The following CNTN5 variants were observed in gnomAD, a reference collection of about 807,000 sequenced individuals.
CNTN5 encodes contactin-5.
CNTN5 carries 77 observed loss-of-function variants against 129.1 expected under a neutral mutation model. The observed-to-expected ratio is 0.60, with a 90% CI of 0.50 to 0.72. CNTN5 has a LOEUF of 0.72. CNTN5 is among the 30% of genes least tolerant of loss of function. CNTN5 has a pLI of 0.00. For synonymous variants in CNTN5, 509 were observed against 465.6 expected (o/e 1.09, Z -1.20); for missense variants, 1,478 against 1,328.8 (o/e 1.11, Z -1.75).
intron 13 of CNTN5, among the ~76,000 whole-genome samples, chr11:100,089,665 A>T (rs1054559092): frequency 6.6e-6 from 1 of 152,184 alleles, no homozygotes; most frequent in African/African-American, 2.4e-5. Flanking sequence ...TCATTGATAG[A>T]CTGGATAAAG....
chr11:100,050,537 A>C (rs963546362), intron 9 of CNTN5, among the ~76,000 whole-genome samples: 9 of 152,050 alleles, frequency 5.9e-5, no homozygotes, highest in Non-Finnish European at 1.0e-4. Flanking sequence ...ATGACGAGTT[A>C]ATGGGTGCAG....
intron 21 of CNTN5, among the ~76,000 whole-genome samples, chr11:100,314,898 T>C (rs1243633884): frequency 6.6e-6 from 1 of 152,180 alleles, no homozygotes; most frequent in East Asian, 1.9e-4. Context: ...TATGTTTCAT[T>C]TGAATCTCAT....
intron 2 of CNTN5, among the ~76,000 whole-genome samples, chr11:99,459,427 G>C (rs908150480): frequency 1.3e-5 from 2 of 151,904 alleles, no homozygotes; most frequent in African/African-American, 4.8e-5. Context: ...TAAGTAGTAA[G>C]ACTAATATGA....
intron 3 of CNTN5, among the ~76,000 whole-genome samples, chr11:99,717,214 G>T (rs150922841): frequency 1.3e-5 from 2 of 151,938 alleles, no homozygotes; most frequent in Admixed American, 1.3e-4. Flanking sequence ...TTTTAACCTT[G>T]CTATATCTGT....
At chr11:99,706,840 CT>C (rs11451959) in intron 3 of CNTN5, among the ~76,000 whole-genome samples, 4,912 of 139,462 alleles carry the variant, frequency 0.035, 246 homozygotes, top group African/African-American at 0.11. Flanking sequence ...TGTGTCTGGT[CT>C]TTTTTTTTTT....
intron 8 of CNTN5, among the ~76,000 whole-genome samples, chr11:99,964,015 C>T (rs185608192): frequency 2.3e-3 from 355 of 151,982 alleles, no homozygotes; most frequent in South Asian, 0.011. Context: ...TTTTGTATGC[C>T]GAGACTTTGC....
intron 1 of CNTN5, among the ~76,000 whole-genome samples, chr11:99,031,620 C>G (rs545567564): frequency 6.6e-6 from 1 of 151,150 alleles, no homozygotes; most frequent in South Asian, 2.1e-4. Flanking sequence ...AATATTCATA[C>G]CATGAGCTAT....
chr11:100,278,983 AC>A (rs771259655), intron 18 of CNTN5, among the ~76,000 whole-genome samples: 1 of 151,828 alleles, frequency 6.6e-6, no homozygotes, highest in Non-Finnish European at 1.5e-5. Flanking sequence ...TTCCTTCTAT[AC>A]CCAGTTTGTT....
chr11:99,625,347 T>TA (rs980472081), intron 3 of CNTN5, among the ~76,000 whole-genome samples: 6 of 152,054 alleles, frequency 3.9e-5, no homozygotes, highest in African/African-American at 1.4e-4. Context: ...TTCAGAGGGA[T>TA]AAAAAAACAC....
chr11:100,267,033 T>C (rs191411563), intron 17 of CNTN5, among the ~76,000 whole-genome samples: 1 of 152,192 alleles, frequency 6.6e-6, no homozygotes, highest in Admixed American at 6.6e-5. Flanking sequence ...GTAAATTATA[T>C]AGTATCTTAG....
At chr11:99,168,596 A>AAACAAAACAAAACAG (rs1273915681) in intron 1 of CNTN5, among the ~76,000 whole-genome samples, 1 of 151,952 alleles carries the variant, frequency 6.6e-6, no homozygotes, top group East Asian at 1.9e-4. Context: ...AAACAAAACA[A>AAACAAAACAAAACAG]AACAAAAGGA....
At chr11:99,884,622 T>C (rs1282246454) in intron 6 of CNTN5, among the ~76,000 whole-genome samples, 4 of 152,166 alleles carry the variant, frequency 2.6e-5, no homozygotes, top group Non-Finnish European at 5.9e-5. Context: ...TGAATAATAA[T>C]GAAATCCACA....
chr11:99,990,071 A>G (rs996229211), intron 8 of CNTN5, among the ~76,000 whole-genome samples: 5 of 152,054 alleles, frequency 3.3e-5, no homozygotes, highest in Middle Eastern at 3.4e-3. Context: ...GGTCTCTAAC[A>G]TATTTCTTAA....
chr11:99,406,884 A>G (rs903891248), intron 2 of CNTN5, among the ~76,000 whole-genome samples: 1 of 152,126 alleles, frequency 6.6e-6, no homozygotes, highest in Non-Finnish European at 1.5e-5. Flanking sequence ...ATATTCCCTT[A>G]TGGCCCAAGG....
intron 6 of CNTN5, among the ~76,000 whole-genome samples, chr11:99,851,017 A>AT (rs1163284315): frequency 3.5e-5 from 5 of 140,938 alleles, no homozygotes; most frequent in African/African-American, 8.0e-5. Context: ...TCACTGATTA[A>AT]TTTTTTTTTC....
intron 3 of CNTN5, among the ~76,000 whole-genome samples, chr11:99,640,519 C>G (rs1591405012): frequency 6.6e-6 from 1 of 152,176 alleles, no homozygotes; most frequent in African/African-American, 2.4e-5. Context: ...TGGGTCCCTT[C>G]CTCAACGCTT....
chr11:99,160,976 A>G (rs764524236), intron 1 of CNTN5, among the ~76,000 whole-genome samples: 36 of 152,212 alleles, frequency 2.4e-4, no homozygotes, highest in Non-Finnish European at 4.6e-4. Flanking sequence ...CAAGTTTACC[A>G]GGTACAAATC....
chr11:100,173,084 C>T (rs962269512), intron 13 of CNTN5, among the ~76,000 whole-genome samples: 1 of 152,016 alleles, frequency 6.6e-6, no homozygotes, highest in Non-Finnish European at 1.5e-5. Context: ...ATTAGGCACC[C>T]AGTATACTGA....
At chr11:99,496,970 A>C (rs1211278577) in intron 2 of CNTN5, among the ~76,000 whole-genome samples, 4 of 152,188 alleles carry the variant, frequency 2.6e-5, no homozygotes, top group African/African-American at 9.7e-5. Context: ...TCAAGTATAC[A>C]CTTCCAGTGC....
Sources: allele counts gnomAD v4.1 joint callset (sites outside exome capture counted in the v4.1 genomes callset), GRCh38; gene constraint gnomAD v4.1.1; transcripts MANE v1.5; gene names NCBI Gene and HGNC (gene_info 2026-07-23, HGNC 2026-07-21).